UNC79: variants seen among roughly 807,000 people sequenced by gnomAD.
UNC79 encodes the protein protein unc-79 homolog.
UNC79 carries 37 observed loss-of-function variants against 283.1 expected under a neutral mutation model. The ratio of observed to expected loss-of-function variants is 0.13; its 90% confidence interval spans 0.10 to 0.17. UNC79 has a LOEUF of 0.17. Ranked by LOEUF, UNC79 falls within the 10% of genes least tolerant of loss-of-function variation. The probability of loss-of-function intolerance (pLI) is 1.00; values close to 1 mark genes in which losing one functional copy is unlikely to be tolerated. For synonymous variants in UNC79, 1,107 were observed against 1,200.2 expected, an observed-to-expected ratio of 0.92 and a Z score of 1.61; for missense variants, 2,272 against 3,211.1, an observed-to-expected ratio of 0.71 and a Z score of 7.07.
chr14:93,643,440 G>A, intron 33 of UNC79, 117 bp from the exon 37 acceptor site: 1 of 1,442,822 alleles, frequency 6.9e-7, no homozygotes, highest in Non-Finnish European at 9.6e-7. Flanking sequence ...TGGGGCTCCT[G>A]ATCTCCTTTT....
chr14:93,598,608 G>A (rs1054748062), intron 24 of UNC79, among the ~76,000 whole-genome samples: 9 of 150,784 alleles, frequency 6.0e-5, no homozygotes, highest in African/African-American at 2.2e-4. Flanking sequence ...TGCAACCTCC[G>A]CCTCCCGGGT....
intron 47 of UNC79, among the ~76,000 whole-genome samples, chr14:93,695,446 G>A (rs577765307): frequency 6.6e-6 from 1 of 152,322 alleles, no homozygotes; most frequent in East Asian, 1.9e-4. Flanking sequence ...TATGTAGCTT[G>A]ATAATAGCAA....
chr14:93,556,714 C>CA (rs1195529474), intron 14 of UNC79, among the ~76,000 whole-genome samples: 2 of 149,484 alleles, frequency 1.3e-5, no homozygotes, highest in South Asian at 2.1e-4. Flanking sequence ...ACCTTTTTTT[C>CA]AAAAAAACAA....
At chr14:93,562,555 G>A (rs2141453930) in intron 14 of UNC79, among the ~76,000 whole-genome samples, 1 of 152,308 alleles carries the variant, frequency 6.6e-6, no homozygotes, top group Non-Finnish European at 1.5e-5. Flanking sequence ...GCTTGGTGAG[G>A]TGTGTTTTTA....
chr14:93,397,453 C>T (rs1202130955), intron 1 of UNC79, among the ~76,000 whole-genome samples: 2 of 152,322 alleles, frequency 1.3e-5, no homozygotes, highest in African/African-American at 2.4e-5. Context: ...ATCCTGTCCT[C>T]TCCAGTGGTT....
intron 1 of UNC79, among the ~76,000 whole-genome samples, chr14:93,380,110 C>T (rs902205049): frequency 2.6e-5 from 4 of 152,116 alleles, no homozygotes; most frequent in African/African-American, 4.8e-5. Context: ...GAAGCTGGCA[C>T]GTAGTAGATG....
intron 1 of UNC79, among the ~76,000 whole-genome samples, chr14:93,419,022 G>A (rs192760217): frequency 6.6e-6 from 1 of 151,894 alleles, no homozygotes; most frequent in East Asian, 2.0e-4. Context: ...ACGGTGCGCT[G>A]CACCCACTGT....
intron 7 of UNC79, among the ~76,000 whole-genome samples, chr14:93,515,824 T>G (rs1449301151): frequency 6.6e-6 from 1 of 152,130 alleles, no homozygotes; most frequent in African/African-American, 2.4e-5. Context: ...ATTCAGGGGC[T>G]TCCCTGTTGA....
At chr14:93,707,438 T>G (rs2075938998), downstream of UNC79, 1 of 152,676 alleles carries the variant, frequency 6.5e-6, no homozygotes, top group Non-Finnish European at 1.5e-5. Context: ...GGTTAAACTG[T>G]GCCAATTGTT....
At chr14:93,357,511 C>T (rs2054110097) in intron 1 of UNC79, among the ~76,000 whole-genome samples, 1 of 151,508 alleles carries the variant, frequency 6.6e-6, no homozygotes, top group Non-Finnish European at 1.5e-5. Context: ...CTGGCTTAGC[C>T]TCCCAGCCTA....
intron 48 of UNC79, among the ~76,000 whole-genome samples, chr14:93,705,802 T>G (rs1045806224): frequency 6.6e-6 from 1 of 152,088 alleles, no homozygotes; most frequent in African/African-American, 2.4e-5. Context: ...AGCTGGAAAG[T>G]TTTTTGCTGG....
In UNC79 at chr14:93,604,871, A is replaced by C. The variant is rs533843668; in HGVS notation, c.3754+1453A>C. On this transcript the variant is annotated intron_variant, in intron 26 of 48. Transcript: ENST00000555664. ...TCCAGTTGTCTGTAATGCTTATTTA[A>C]ATAGAGTTGTTGTTGATTTTTAAGC... is the stretch of plus-strand genomic sequence containing the variant. 2.3e-5 allele frequency: 35 copies of C among 1,554,366 alleles called. No individual in the cohort carries two copies. In the Middle Eastern group the frequency reaches 5.0e-4, roughly 22 times the overall value.
chr14:93,425,876 C>T (rs897141629), upstream of UNC79, among the ~76,000 whole-genome samples: 1 of 152,080 alleles, frequency 6.6e-6, no homozygotes, highest in Non-Finnish European at 1.5e-5. Flanking sequence ...TTTTAAAACT[C>T]TTCAGTAAAA....
At chr14:93,419,015 G>T (rs1448934376) in intron 1 of UNC79, among the ~76,000 whole-genome samples, 1 of 151,766 alleles carries the variant, frequency 6.6e-6, no homozygotes, top group Non-Finnish European at 1.5e-5. Flanking sequence ...CTCATGCACG[G>T]TGCGCTGCAC....
At chr14:93,664,149 G>A (rs990183712) in intron 40 of UNC79, among the ~76,000 whole-genome samples, 2 of 152,074 alleles carry the variant, frequency 1.3e-5, no homozygotes, top group Non-Finnish European at 2.9e-5. Context: ...CAGATAATGA[G>A]AAACTATAAG....
intron 1 of UNC79, among the ~76,000 whole-genome samples, chr14:93,455,074 C>G (rs536475744): frequency 6.8e-4 from 104 of 152,250 alleles, no homozygotes; most frequent in African/African-American, 2.5e-3. Flanking sequence ...CTACCTGGAA[C>G]CAAAACTGGC....
At chr14:93,343,894 G>T (rs767855261) in intron 1 of UNC79, among the ~76,000 whole-genome samples, 2 of 152,072 alleles carry the variant, frequency 1.3e-5, no homozygotes, top group African/African-American at 2.4e-5. Context: ...TCGAATCCCA[G>T]CCCACTAAAC....
At chr14:93,505,048 G>T (rs1450015156) in intron 7 of UNC79, among the ~76,000 whole-genome samples, 2 of 151,960 alleles carry the variant, frequency 1.3e-5, no homozygotes, top group East Asian at 3.9e-4. Context: ...TTTCTTTAGG[G>T]TTGAACATAT....
intron 27 of UNC79, among the ~76,000 whole-genome samples, chr14:93,615,478 C>G (rs2139814811): frequency 6.6e-6 from 1 of 152,000 alleles, no homozygotes; most frequent in East Asian, 1.9e-4. Flanking sequence ...AATCCCAGCA[C>G]TTTGGTAGGC....
Sources: allele counts gnomAD v4.1 joint callset (sites outside exome capture counted in the v4.1 genomes callset), GRCh38; gene constraint gnomAD v4.1.1; transcripts MANE v1.5; gene names NCBI Gene and HGNC (gene_info 2026-07-23, HGNC 2026-07-21).